The following MYBPC1 variants were observed in gnomAD, a reference collection of about 807,000 sequenced individuals.
MYBPC1 encodes the protein myosin binding protein C1.
In MYBPC1, 52 loss-of-function variants were observed where a neutral mutation model predicts 147.1. The ratio of observed to expected loss-of-function variants is 0.35; its 90% CI spans 0.28 to 0.45. The LOEUF (loss-of-function observed/expected upper bound fraction) is 0.45, where lower values mean the gene tolerates loss of function less well. Among genes scored for constraint, MYBPC1 ranks in the 20% least tolerant of loss-of-function variants. MYBPC1 has a pLI of 1.00. For synonymous variants in MYBPC1, 477 were observed against 475.9 expected, an observed-to-expected ratio of 1.00 and a Z score of -0.03; for missense variants, 1,228 against 1,440.3, an observed-to-expected ratio of 0.85 and a Z score of 2.39.
chr12:101,641,646 T>A (rs1386823149), intron 10 of MYBPC1, among the ~76,000 whole-genome samples: 1 of 152,188 alleles, frequency 6.6e-6, no homozygotes, highest in African/African-American at 2.4e-5. Flanking sequence ...ACATTTGTAT[T>A]TTTATAACTC....
intron 22 of MYBPC1, among the ~76,000 whole-genome samples, chr12:101,664,045 G>A (rs1485863940): frequency 6.6e-6 from 1 of 152,080 alleles, no homozygotes; most frequent in Non-Finnish European, 1.5e-5. Flanking sequence ...ATTAAGAACT[G>A]CTCTTAGTTT....
At chr12:101,688,344 G>A (rs1313887701), downstream of MYBPC1, among the ~76,000 whole-genome samples, 1 of 131,024 alleles carries the variant, frequency 7.6e-6, no homozygotes, top group South Asian at 2.2e-4. Flanking sequence ...GCTTGAACCC[G>A]GGAGGTGGAG....
intron 16 of MYBPC1, among the ~76,000 whole-genome samples, chr12:101,651,948 T>C (rs1894554372): frequency 6.6e-6 from 1 of 152,050 alleles, no homozygotes. Context: ...AAATAAATAA[T>C]AAACATGAAG....
Position 101,606,292 on chromosome 12 carries a change from G to A in MYBPC1, c.26-8204G>A, listed in dbSNP as rs147275715. Among the ~76,000 whole-genome samples the A allele has an allele frequency of 2.2e-4, 34 of 151,650 alleles. No individual in the cohort carries two copies. The East Asian group carries it at 6.2e-3, about 28-fold the overall frequency. ...GAACATTGATATCATTACACATTATGTATCCTCTGGAAAACTTCACTGTCT... is the reference window on the plus strand; with the variant it reads ...GAACATTGATATCATTACACATTATATATCCTCTGGAAAACTTCACTGTCT... On this transcript the variant is annotated intron_variant, in intron 1 of 31. Coordinates refer to ENST00000361466, the MANE Select transcript of MYBPC1 (RefSeq NM_002465.4).
chr12:101,690,353 T>A (rs1951396177), downstream of MYBPC1, among the ~76,000 whole-genome samples: 1 of 152,172 alleles, frequency 6.6e-6, no homozygotes, highest in African/African-American at 2.4e-5. Flanking sequence ...CTCTTAGCTG[T>A]CCCAGAGGAA....
At chr12:101,682,700 C>G in intron 30 of MYBPC1, 38 bp downstream of exon 30, 1 of 1,546,920 alleles carries the variant, frequency 6.5e-7, no homozygotes, top group Non-Finnish European at 8.9e-7. Context: ...ATTCTACTTT[C>G]CGTTCCATTC....
At chr12:101,614,744 T>C (rs1214250562) in intron 2 of MYBPC1, 2 of 605,612 alleles carry the variant, frequency 3.3e-6, no homozygotes, top group East Asian at 5.6e-5. Context: ...TGGATGGCAC[T>C]TCATATATAT....
At chr12:101,643,504 T>C (rs1370089316) in intron 11 of MYBPC1, among the ~76,000 whole-genome samples, 1 of 152,166 alleles carries the variant, frequency 6.6e-6, no homozygotes, top group African/African-American at 2.4e-5. Context: ...GGTAGATGGC[T>C]TTTTTAAAAG....
intron 18 of MYBPC1, among the ~76,000 whole-genome samples, chr12:101,653,515 G>A (rs1327991907): frequency 6.6e-6 from 1 of 152,008 alleles, no homozygotes; most frequent in Non-Finnish European, 1.5e-5. Context: ...TTATTCTAAT[G>A]AAATTGGGGG....
At chr12:101,634,645 A>C in intron 9 of MYBPC1, 40 bp downstream of exon 9, 1 of 1,485,534 alleles carries the variant, frequency 6.7e-7, no homozygotes, top group Non-Finnish European at 9.4e-7. Flanking sequence ...TTTGTATAAC[A>C]CAGAAGTGGA....
At chr12:101,622,291 T>C (rs1336026359) in intron 3 of MYBPC1, among the ~76,000 whole-genome samples, 2 of 152,170 alleles carry the variant, frequency 1.3e-5, no homozygotes, top group African/African-American at 4.8e-5. Context: ...CTGGTTTCTA[T>C]GAAAAATAAG....
At chr12:101,642,361 T>C (rs1892223439) in intron 10 of MYBPC1, 58 bp from the exon 11 acceptor site, 1 of 1,573,586 alleles carries the variant, frequency 6.4e-7, no homozygotes, top group Non-Finnish European at 8.7e-7. Flanking sequence ...ACCTCGACCT[T>C]CGTGGTCTCT....
rs1044566927 is a variant in MYBPC1, at chr12:101,675,340, A to G, written c.2858A>G (p.Glu953Gly). 1.9e-6 allele frequency: 3 copies of G among 1,613,934 alleles called. No individual in the cohort carries two copies. In the African/African-American group the frequency reaches 4.0e-5, roughly 22 times the overall value. Residue 953 changes from glutamate to glycine, a missense_variant, in exon 26 of 32, where the codon GAA becomes GGA. Around this residue, in one of 2 missense-constraint regions of MYBPC1, gnomAD observed 1,077 missense variants for 1,314.2 expected, o/e 0.82. Transcript: ENST00000361466. ...QIVKIEDVWG[E>G]NVALTWTPPK... Reference sequence around the variant, plus strand: ...GTGAAGATTGAGGATGTCTGGGGAGAAAATGTCGCTCTCACATGGACTCCA... The same window carrying G: ...GTGAAGATTGAGGATGTCTGGGGAGGAAATGTCGCTCTCACATGGACTCCA...
chr12:101,667,181 T>C (rs1460109795), intron 22 of MYBPC1, among the ~76,000 whole-genome samples: 2 of 152,236 alleles, frequency 1.3e-5, no homozygotes, highest in Non-Finnish European at 2.9e-5. Flanking sequence ...CATGAACTGT[T>C]TTCTCTTTGT....
At chr12:101,618,385 G>T (rs562369135) in intron 3 of MYBPC1, among the ~76,000 whole-genome samples, 2 of 152,152 alleles carry the variant, frequency 1.3e-5, no homozygotes, top group Non-Finnish European at 2.9e-5. Flanking sequence ...AAGGTTATTT[G>T]CTTATGGAAT....
intron 1 of MYBPC1, among the ~76,000 whole-genome samples, chr12:101,610,433 C>G (rs368643173): frequency 6.6e-6 from 1 of 152,150 alleles, no homozygotes; most frequent in Non-Finnish European, 1.5e-5. Flanking sequence ...AATGCAAACA[C>G]GTTTTAACAC....
chr12:101,612,740 A>G (rs1884729615), intron 1 of MYBPC1, among the ~76,000 whole-genome samples: 2 of 152,218 alleles, frequency 1.3e-5, no homozygotes, highest in Admixed American at 6.5e-5. Flanking sequence ...AGAAATTGGC[A>G]TCTCGCTCTC....
At chr12:101,603,029 C>T (rs1418272114) in intron 1 of MYBPC1, among the ~76,000 whole-genome samples, 2 of 152,064 alleles carry the variant, frequency 1.3e-5, no homozygotes, top group Non-Finnish European at 2.9e-5. Flanking sequence ...GGTTATAAGT[C>T]TTGGGTTTGT....
intron 3 of MYBPC1, among the ~76,000 whole-genome samples, chr12:101,623,571 T>C (rs1887920971): frequency 6.6e-6 from 1 of 152,220 alleles, no homozygotes; most frequent in Non-Finnish European, 1.5e-5. Flanking sequence ...AAACAAAAAG[T>C]AAACCACCAC....
Sources: allele counts gnomAD v4.1 joint callset (sites outside exome capture counted in the v4.1 genomes callset), GRCh38; gene constraint gnomAD v4.1.1; regional missense constraint gnomAD v4.1.1; transcripts MANE v1.5; gene names NCBI Gene and HGNC (gene_info 2026-07-23, HGNC 2026-07-21).